The following ARHGAP6 variants were observed in gnomAD, a reference collection of about 807,000 sequenced individuals.
ARHGAP6 encodes the protein Rho GTPase activating protein 6, also known as rho GTPase-activating protein 6.
A neutral mutation model predicts 55.7 loss-of-function variants in ARHGAP6; 16 were observed. That is an observed-to-expected ratio of 0.29 (90% CI 0.19 to 0.44). ARHGAP6 has a LOEUF of 0.44. Ranked by LOEUF, ARHGAP6 falls within the 20% of genes least tolerant of loss-of-function variation. The pLI is 1.00. For missense variants in ARHGAP6, 698 were observed against 808.9 expected (o/e 0.86, Z 1.66); for synonymous variants, 382 against 360.9 (o/e 1.06, Z -0.66).
intron 1 of ARHGAP6, among the ~76,000 whole-genome samples, chrX:11,571,725 A>AATAATAATG (rs2051520186): frequency 9.5e-6 from 1 of 105,151 alleles, no homozygotes; most frequent in Non-Finnish European, 1.9e-5. Context: ...TAATAATAAT[A>AATAATAATG]ATAATAATAA....
At chrX:11,201,995 G>GTGTGTGTA (rs1320610455) in intron 2 of ARHGAP6, among the ~76,000 whole-genome samples, 2 of 58,773 alleles carry the variant, frequency 3.4e-5, no homozygotes, top group African/African-American at 1.4e-4. Flanking sequence ...GGATCTGTGT[G>GTGTGTGTA]TGTGTGTGTG....
chrX:11,568,237 A>G (rs997537649), intron 1 of ARHGAP6, among the ~76,000 whole-genome samples: 2 of 112,488 alleles, frequency 1.8e-5, no homozygotes, highest in Non-Finnish European at 3.8e-5. Flanking sequence ...ACCCAGGTAC[A>G]TGCCATATAG....
At chrX:11,153,562 T>C (rs2045820566) in intron 10 of ARHGAP6, among the ~76,000 whole-genome samples, 1 of 100,896 alleles carries the variant, frequency 9.9e-6, no homozygotes, top group Non-Finnish European at 2.0e-5. Context: ...CAACTACAGC[T>C]AGAGGGGTAG....
intron 1 of ARHGAP6, among the ~76,000 whole-genome samples, chrX:11,375,672 A>T (rs901083368): frequency 2.7e-5 from 3 of 112,035 alleles, no homozygotes; most frequent in Non-Finnish European, 3.8e-5. Flanking sequence ...TCTCCCTGCT[A>T]TGTCTGCTTT....
chrX:11,602,175 A>T (rs778293368), intron 1 of ARHGAP6, among the ~76,000 whole-genome samples: 33 of 111,675 alleles, frequency 3.0e-4, no homozygotes, highest in African/African-American at 1.1e-3. Context: ...CTTCATAAAT[A>T]TATATATAAT....
At chrX:11,424,782 A>G (rs1346425233) in intron 1 of ARHGAP6, among the ~76,000 whole-genome samples, 1 of 112,667 alleles carries the variant, frequency 8.9e-6, no homozygotes. Flanking sequence ...GGAAAACTGT[A>G]GGAGGAAATT....
chrX:11,289,359 T>C (rs1482454143), intron 1 of ARHGAP6, among the ~76,000 whole-genome samples: 2 of 111,086 alleles, frequency 1.8e-5, no homozygotes, highest in East Asian at 5.6e-4. Context: ...AATATCATAC[T>C]CCAAACTTCT....
At chrX:11,323,866 C>CAAAAAAAAAAAA (rs61462099) in intron 1 of ARHGAP6, among the ~76,000 whole-genome samples, 1 of 40,286 alleles carries the variant, frequency 2.5e-5, no homozygotes, top group Non-Finnish European at 4.2e-5. Flanking sequence ...ACCCCCATTT[C>CAAAAAAAAAAAA]AAAAAAAAAA....
rs1324233699 is a variant in ARHGAP6 at position 11,266,027 on chromosome X, G to GTGTGCC, written c.589-11326_589-11321dup. 769 of 648,162 alleles carry GTGTGCC rather than the reference G, an allele frequency of 1.2e-3. 8 individuals carry two copies. The African/African-American group carries it at 0.019, about 16-fold the overall frequency. The allele number at this position is 648,162 out of a possible 1,213,427, so 53.4% of individuals were successfully genotyped here. On this transcript the variant is annotated intron_variant, in intron 1 of 12. Coordinates refer to ENST00000337414, the MANE Select transcript of ARHGAP6 (RefSeq NM_013427.3). ...AGTGAGTGCGTGTGTTTGTATGCGT[G>GTGTGCC]TGTGCCTGTGTGTGTGTGTGTGTGT...
chrX:11,642,633 C>T (rs2052486697), intron 1 of ARHGAP6, among the ~76,000 whole-genome samples: 1 of 111,973 alleles, frequency 8.9e-6, no homozygotes, highest in South Asian at 3.6e-4. Context: ...CAGATACATA[C>T]TATAACATGA....
intron 1 of ARHGAP6, among the ~76,000 whole-genome samples, chrX:11,414,580 C>T (rs1341077570): frequency 9.1e-6 from 1 of 109,432 alleles, no homozygotes; most frequent in Non-Finnish European, 1.9e-5. Flanking sequence ...GGCAACTGTT[C>T]AATCAAGTTG....
intron 12 of ARHGAP6, 30 bp from the exon 13 acceptor site, chrX:11,139,560 G>A: frequency 8.9e-7 from 1 of 1,121,767 alleles, no homozygotes; most frequent in South Asian, 2.3e-5. Flanking sequence ...CCCAAGAAAT[G>A]GAATCAGTTT....
At chrX:11,416,881 G>C (rs1312178188) in intron 1 of ARHGAP6, among the ~76,000 whole-genome samples, 1 of 107,726 alleles carries the variant, frequency 9.3e-6, no homozygotes, top group South Asian at 4.1e-4. Flanking sequence ...TGGATGTGCC[G>C]TTAGAACAGC....
At chrX:11,182,035 C>A in intron 6 of ARHGAP6, 28 bp downstream of exon 6, 1 of 1,160,927 alleles carries the variant, frequency 8.6e-7, no homozygotes, top group East Asian at 3.1e-5. Context: ...TCATGTGAAA[C>A]AAAATATAAT....
chrX:11,193,957 A>G (rs550280612), intron 3 of ARHGAP6, among the ~76,000 whole-genome samples: 1 of 112,851 alleles, frequency 8.9e-6, no homozygotes, highest in South Asian at 3.6e-4. Flanking sequence ...CCAAATGGAC[A>G]CTTTCTGAAA....
intron 1 of ARHGAP6, among the ~76,000 whole-genome samples, chrX:11,584,278 C>T (rs2051699895): frequency 1.8e-5 from 2 of 111,914 alleles, no homozygotes; most frequent in Non-Finnish European, 3.8e-5. Flanking sequence ...AAGAAATGTG[C>T]CAGATCTATA....
intron 1 of ARHGAP6, among the ~76,000 whole-genome samples, chrX:11,448,604 G>A (rs975721469): frequency 9.0e-5 from 10 of 111,299 alleles, no homozygotes; most frequent in African/African-American, 3.3e-4. Flanking sequence ...ACGATTTCTG[G>A]GAACTATTCC....
At chrX:11,356,502 A>T (rs1334122416) in intron 1 of ARHGAP6, among the ~76,000 whole-genome samples, 1 of 112,082 alleles carries the variant, frequency 8.9e-6, no homozygotes, top group Non-Finnish European at 1.9e-5. Flanking sequence ...GACTACTTTC[A>T]CTAGGATATA....
At chrX:11,491,449 T>G (rs749470853) in intron 1 of ARHGAP6, among the ~76,000 whole-genome samples, 3 of 104,756 alleles carry the variant, frequency 2.9e-5, no homozygotes, top group Admixed American at 1.0e-4. Context: ...CACCTAGGAG[T>G]GAGAATATGC....
Sources: gnomAD v4.1 joint callset for allele counts (sites outside exome capture counted in the v4.1 genomes callset) on GRCh38, gnomAD v4.1.1 for gene constraint, MANE v1.5 for transcripts, NCBI Gene and HGNC (gene_info 2026-07-23, HGNC 2026-07-21) for gene names.